Variants in KCNB2 observed in about 807,000 individuals in gnomAD.
The protein encoded by KCNB2 is potassium voltage-gated channel subfamily B member 2, also known as delayed rectifier potassium channel protein.
Under a neutral mutation model 61.5 loss-of-function variants are expected in KCNB2, and 15 were observed. The ratio of observed to expected loss-of-function variants is 0.24; its 90% CI spans 0.16 to 0.38. KCNB2 has a LOEUF of 0.38. Among genes scored for constraint, KCNB2 ranks in the 10% least tolerant of loss-of-function variants. The probability of loss-of-function intolerance (pLI) is 1.00; values close to 1 mark genes in which losing one functional copy is unlikely to be tolerated. For missense variants in KCNB2, 828 were observed against 1,125.2 expected (o/e 0.74, Z 3.78); for synonymous variants, 457 against 446.0 (o/e 1.02, Z -0.31).
chr8:72,670,438 T>C (rs1806545516), intron 2 of KCNB2, among the ~76,000 whole-genome samples: 1 of 152,200 alleles, frequency 6.6e-6, no homozygotes, highest in Non-Finnish European at 1.5e-5. Flanking sequence ...TCTGGCTTCC[T>C]ATCAACAAGA....
At chr8:72,916,457 G>A (rs564240528) in intron 2 of KCNB2, among the ~76,000 whole-genome samples, 142 of 152,250 alleles carry the variant, frequency 9.3e-4, no homozygotes, top group African/African-American at 3.2e-3. Flanking sequence ...GGCACCAGCA[G>A]GAGCAAAACT....
At chr8:72,783,602 TTCATC>T in intron 2 of KCNB2, among the ~76,000 whole-genome samples, 1 of 152,114 alleles carries the variant, frequency 6.6e-6, no homozygotes, top group South Asian at 2.1e-4. Context: ...CCCACAAATC[TTCATC>T]TCTATCCCAT....
At chr8:72,817,002 G>T (rs1019578258) in intron 2 of KCNB2, among the ~76,000 whole-genome samples, 7 of 152,222 alleles carry the variant, frequency 4.6e-5, no homozygotes, top group African/African-American at 1.7e-4. Context: ...ATTGAATTCT[G>T]CAAATATCTG....
chr8:72,920,594 G>A (rs1806504230), intron 2 of KCNB2, among the ~76,000 whole-genome samples: 1 of 150,214 alleles, frequency 6.7e-6, no homozygotes, highest in South Asian at 2.1e-4. Flanking sequence ...AGTGACCCTC[G>A]ATTATGCCAC....
At chr8:72,626,702 T>C (rs1805795501) in intron 2 of KCNB2, among the ~76,000 whole-genome samples, 1 of 152,190 alleles carries the variant, frequency 6.6e-6, no homozygotes, top group Non-Finnish European at 1.5e-5. Flanking sequence ...GAGAAAATGT[T>C]GGGGTTACAA....
At chr8:72,787,819 T>C (rs1219827017) in intron 2 of KCNB2, among the ~76,000 whole-genome samples, 1 of 152,218 alleles carries the variant, frequency 6.6e-6, no homozygotes, top group East Asian at 1.9e-4. Flanking sequence ...TTATGTATTA[T>C]GTTTTTTACT....
intron 2 of KCNB2, among the ~76,000 whole-genome samples, chr8:72,736,889 T>C (rs952740598): frequency 1.3e-5 from 2 of 152,298 alleles, no homozygotes; most frequent in Non-Finnish European, 2.9e-5. Flanking sequence ...TACTGGTGAT[T>C]GCTTGGAAGA....
intron 2 of KCNB2, among the ~76,000 whole-genome samples, chr8:72,742,840 C>A (rs188066429): frequency 2.2e-4 from 33 of 152,268 alleles, no homozygotes; most frequent in African/African-American, 7.9e-4. Flanking sequence ...TGACGTCTGA[C>A]GATAAATTCT....
intron 2 of KCNB2, chr8:72,618,955 ACTC>A: frequency 2.9e-6 from 1 of 339,364 alleles, no homozygotes; most frequent in Non-Finnish European, 5.7e-6. Flanking sequence ...GCTGAAAGTG[ACTC>A]CTCTGCAGCT....
chr8:72,888,311 A>G (rs1805839705), intron 2 of KCNB2, among the ~76,000 whole-genome samples: 1 of 152,074 alleles, frequency 6.6e-6, no homozygotes, highest in African/African-American at 2.4e-5. Flanking sequence ...GGGTTTCACC[A>G]TGTTGCTCAG....
chr8:72,582,711 C>T (rs968637895), intron 2 of KCNB2, among the ~76,000 whole-genome samples: 2 of 152,190 alleles, frequency 1.3e-5, no homozygotes, highest in African/African-American at 2.4e-5. Flanking sequence ...CTCCTGGGCT[C>T]AAGCAATTCT....
At chr8:72,711,954 T>C (rs1381451782) in intron 2 of KCNB2, among the ~76,000 whole-genome samples, 1 of 152,200 alleles carries the variant, frequency 6.6e-6, no homozygotes, top group Non-Finnish European at 1.5e-5. Context: ...ATCACACCAC[T>C]GCACTCTAGC....
intron 2 of KCNB2, among the ~76,000 whole-genome samples, chr8:72,833,827 C>A (rs991002233): frequency 2.0e-5 from 3 of 152,160 alleles, no homozygotes; most frequent in African/African-American, 7.2e-5. Flanking sequence ...GCCTGTCAAT[C>A]AATTGACTCA....
At chr8:72,691,857 A>G (rs1029138191) in intron 2 of KCNB2, among the ~76,000 whole-genome samples, 23 of 152,312 alleles carry the variant, frequency 1.5e-4, no homozygotes, top group African/African-American at 4.6e-4. Flanking sequence ...GTTGTTTGTC[A>G]GTGATTTGTG....
At chr8:72,827,357 A>G (rs894532265) in intron 2 of KCNB2, among the ~76,000 whole-genome samples, 1 of 152,192 alleles carries the variant, frequency 6.6e-6, no homozygotes, top group Non-Finnish European at 1.5e-5. Context: ...TATCCTTTAA[A>G]ATATATCAGA....
chr8:72,623,424 G>A (rs1391990028), intron 2 of KCNB2, among the ~76,000 whole-genome samples: 1 of 152,144 alleles, frequency 6.6e-6, no homozygotes, highest in Non-Finnish European at 1.5e-5. Flanking sequence ...GGACAGAGTG[G>A]GGAAGAAAAC....
Position 72,930,543 on chromosome 8 carries a change from G to A in KCNB2, c.580-5392G>A, listed in dbSNP as rs936755135. Among the ~76,000 whole-genome samples the A allele has an allele frequency of 1.8e-3, 270 of 152,252 alleles. 2 individuals are homozygous for A. Among genetic ancestry groups the A allele is most frequent in the African/African-American group, 6.2e-3 (258 of 41,536 alleles). On this transcript the variant is annotated intron_variant, in intron 2 of 2. Coordinates refer to ENST00000523207, the MANE Select transcript of KCNB2 (RefSeq NM_004770.3). ...GGTTTTGATTTGCATTTCTCTGATG[G>A]CCAGTGATGATGAGCATTTTTTCAT...
intron 2 of KCNB2, among the ~76,000 whole-genome samples, chr8:72,843,779 C>T (rs527872922): frequency 6.8e-4 from 104 of 151,856 alleles, no homozygotes; most frequent in South Asian, 1.7e-3. Flanking sequence ...TTTTGCTTTC[C>T]ATTTGCTTGG....
At chr8:72,563,298 C>T (rs1229341929) in intron 1 of KCNB2, among the ~76,000 whole-genome samples, 1 of 152,118 alleles carries the variant, frequency 6.6e-6, no homozygotes, top group Non-Finnish European at 1.5e-5. Context: ...TAGGCATGGA[C>T]ATGCTACCAC....
Sources: gnomAD v4.1 joint callset for allele counts (sites outside exome capture counted in the v4.1 genomes callset) on GRCh38, gnomAD v4.1.1 for gene constraint, MANE v1.5 for transcripts, NCBI Gene and HGNC (gene_info 2026-07-23, HGNC 2026-07-21) for gene names.